The following DPYSL2 variants were observed in gnomAD, a reference collection of about 807,000 sequenced individuals.
The protein encoded by DPYSL2 is dihydropyrimidinase like 2.
In DPYSL2, 13 loss-of-function variants were observed where a neutral mutation model predicts 69.9. That is an observed-to-expected ratio of 0.19 (90% confidence interval 0.12 to 0.30). DPYSL2 has a LOEUF of 0.30. Ranked by LOEUF, DPYSL2 falls within the 10% of genes least tolerant of loss-of-function variation. The probability of loss-of-function intolerance (pLI) is 1.00; values close to 1 mark genes in which losing one functional copy is unlikely to be tolerated. For missense variants in DPYSL2, 587 were observed against 918.9 expected (o/e 0.64, Z 4.67); for synonymous variants, 326 against 359.1 (o/e 0.91, Z 1.04).
intron 3 of DPYSL2, among the ~76,000 whole-genome samples, chr8:26,606,931 G>A (rs900093276): frequency 2.6e-5 from 4 of 152,160 alleles, no homozygotes; most frequent in South Asian, 2.1e-4. Flanking sequence ...CTCAAACTGC[G>A]GATAGGTATT....
At chr8:26,649,789 T>C (rs909054901) in intron 11 of DPYSL2, among the ~76,000 whole-genome samples, 2 of 152,178 alleles carry the variant, frequency 1.3e-5, no homozygotes, top group Admixed American at 6.5e-5. Flanking sequence ...TGTGTGGATG[T>C]AGGTTAAAAA....
intron 1 of DPYSL2, among the ~76,000 whole-genome samples, chr8:26,547,479 A>T (rs1800791158): frequency 6.6e-6 from 1 of 152,220 alleles, no homozygotes; most frequent in South Asian, 2.1e-4. Context: ...AAATTGAAAG[A>T]CAAAAAACAA....
rs1312862021 is a variant in DPYSL2, at chr8:26,648,933, C to T, written c.1596+1133C>T. On this transcript the variant is annotated intron_variant, in intron 11 of 13. Coordinates refer to ENST00000521913, the MANE Select transcript of DPYSL2 (RefSeq NM_001197293.3). The surrounding 1 kb of genome is among the most constrained non-coding windows in gnomAD (Gnocchi z 4.3). Reference sequence around the variant, plus strand: ...TCTTTCTCCCTCTCCCACCACCACTCACTGGCTCAGCCTGGCAGCGCAGCC... The same window carrying T: ...TCTTTCTCCCTCTCCCACCACCACTTACTGGCTCAGCCTGGCAGCGCAGCC... Among the ~76,000 whole-genome samples the T allele has an allele frequency of 1.3e-5, 2 of 152,232 alleles. No individual in the cohort carries two copies. The highest frequency in any genetic ancestry group is 2.9e-5 in the Non-Finnish European group (2 of 68,042).
intron 1 of DPYSL2, among the ~76,000 whole-genome samples, chr8:26,563,375 TTTAA>T (rs1327492831): frequency 6.6e-6 from 1 of 152,206 alleles, no homozygotes; most frequent in Admixed American, 6.5e-5. Context: ...AGTCTTCCCT[TTTAA>T]TTAACACATT....
intron 1 of DPYSL2, among the ~76,000 whole-genome samples, chr8:26,576,378 C>T (rs1209044510): frequency 1.3e-5 from 2 of 152,024 alleles, no homozygotes; most frequent in African/African-American, 4.8e-5. Flanking sequence ...CCCCCACCCC[C>T]CAGCCCATGA....
intron 3 of DPYSL2, among the ~76,000 whole-genome samples, chr8:26,584,870 C>T (rs930237447): frequency 5.9e-5 from 9 of 152,080 alleles, no homozygotes; most frequent in Admixed American, 3.9e-4. Context: ...CTGCCTGCCT[C>T]GGCCTCCCAA....
chr8:26,581,971 C>T lies in DPYSL2; in HGVS notation c.357C>T (p.Ser119=), dbSNP rs138340807. The T allele has an allele frequency of 1.6e-3, 2,656 of 1,613,358 alleles. 2 individuals carry two copies. Among genetic ancestry groups the T allele is most frequent in the Non-Finnish European group, 2.1e-3 (2,528 of 1,179,496 alleles). Residue 119 remains serine, a splice_region_variant and synonymous_variant, in exon 2 of 14, where the codon AGC becomes AGT. Transcript: ENST00000521913. ...KEALQNINDQ[S]DRLLIKGGKI... ...ACCTTACTGCCTCTTTGTTTCAGAGCGATCGTCTTCTGATCAAAGGAGGTA... is the reference window on the plus strand; with the variant it reads ...ACCTTACTGCCTCTTTGTTTCAGAGTGATCGTCTTCTGATCAAAGGAGGTA...
rs374362384 is a variant in DPYSL2 at position 26,586,177 on chromosome 8, C to T, written c.628+2194C>T. On this transcript the variant is annotated intron_variant, in intron 3 of 13. Coordinates refer to ENST00000521913, the MANE Select transcript of DPYSL2 (RefSeq NM_001197293.3). This position sits in a 1 kb window ranked among gnomAD's most constrained non-coding sequence, Gnocchi z 4.7. ...TCATTGGAGAGGGAAATGCCCCCAG[C>T]CAGGAGTTAGGAGTCTGGAGTGCTG... Among the ~76,000 whole-genome samples, 1 of 152,172 alleles carries T rather than the reference C, an allele frequency of 6.6e-6. No individual in the cohort carries two copies. The highest frequency in any genetic ancestry group is 2.4e-5 in the African/African-American group (1 of 41,432).
intron 1 of DPYSL2, among the ~76,000 whole-genome samples, chr8:26,529,514 A>C (rs919644028): frequency 2.6e-5 from 4 of 151,724 alleles, no homozygotes; most frequent in South Asian, 2.1e-4. Flanking sequence ...ACATGGCCTC[A>C]TTTTGTTCTC....
At chr8:26,618,778 C>CAAAAAAAAAA (rs71216765) in intron 3 of DPYSL2, among the ~76,000 whole-genome samples, 4 of 85,180 alleles carry the variant, frequency 4.7e-5, no homozygotes, top group African/African-American at 9.5e-5. Flanking sequence ...CCATCTCTAC[C>CAAAAAAAAAA]AAAAAAAAAA....
chr8:26,610,846 G>A lies in DPYSL2; in HGVS notation c.629-13297G>A, dbSNP rs963465004. On this transcript the variant is annotated intron_variant, in intron 3 of 13. Coordinates refer to ENST00000521913, the MANE Select transcript of DPYSL2 (RefSeq NM_001197293.3). This position sits in a 1 kb window ranked among gnomAD's most constrained non-coding sequence, Gnocchi z 4.5. ...TTTGTAGGCCCTACTGTTGTTAGCT[G>A]TTCGTAGATACTATTTCAGAACAAT... Among the ~76,000 whole-genome samples, 3 of 152,108 alleles carry A rather than the reference G, an allele frequency of 2.0e-5. No individual in the cohort carries two copies. Among genetic ancestry groups the A allele is most frequent in the Non-Finnish European group, 4.4e-5 (3 of 68,016 alleles).
chr8:26,576,663 G>T (rs1158508945), intron 1 of DPYSL2, among the ~76,000 whole-genome samples: 1 of 152,234 alleles, frequency 6.6e-6, no homozygotes, highest in Non-Finnish European at 1.5e-5. Context: ...CGTTTGAAGT[G>T]ACAAGGCTCT....
rs1320477544 is a variant in DPYSL2 at position 26,617,018 on chromosome 8, A to C, written c.629-7125A>C. ...GTACCTGCTCAACTGCTTCAATTCC[A>C]GAACTGGAACTGCAGGGAAGCTGTT... On this transcript the variant is annotated intron_variant, in intron 3 of 13. Coordinates refer to ENST00000521913, the MANE Select transcript of DPYSL2 (RefSeq NM_001197293.3). The surrounding 1 kb of genome is among the most constrained non-coding windows in gnomAD (Gnocchi z 4.7). Among the ~76,000 whole-genome samples the C allele has an allele frequency of 1.3e-5, 2 of 152,196 alleles. No homozygotes were observed. Among genetic ancestry groups the C allele is most frequent in the African/African-American group, 4.8e-5 (2 of 41,448 alleles).
chr8:26,594,224 T>G (rs79274455), intron 3 of DPYSL2, among the ~76,000 whole-genome samples: 4 of 152,198 alleles, frequency 2.6e-5, no homozygotes, highest in Non-Finnish European at 4.4e-5. Context: ...AAAGTGAGTT[T>G]TTTTGTGCCA....
At chr8:26,540,694 T>C (rs894176754) in intron 1 of DPYSL2, among the ~76,000 whole-genome samples, 5 of 152,096 alleles carry the variant, frequency 3.3e-5, no homozygotes, top group Admixed American at 1.3e-4. Context: ...TCACCTGAAG[T>C]TGGGAGTTCG....
Position 26,653,194 on chromosome 8 carries a change from G to A in DPYSL2, c.1777-38G>A. ...GGTTTCTAGAGAGGTATCCTCTGTG[G>A]CTGTGGCCTGAGCTGGGGGGACTCT... is the stretch of plus-strand genomic sequence containing the variant. On this transcript the variant is annotated intron_variant, in intron 12 of 13. Transcript: ENST00000521913. This position sits in a 1 kb window ranked among gnomAD's most constrained non-coding sequence, Gnocchi z 5.7. The A allele has an allele frequency of 1.9e-6, 3 of 1,603,864 alleles. No homozygotes were observed. The highest frequency in any genetic ancestry group is 2.6e-6 in the Non-Finnish European group (3 of 1,174,144).
intron 1 of DPYSL2, chr8:26,577,732 GC>G (rs1176501154): frequency 1.3e-4 from 112 of 889,848 alleles, no homozygotes; most frequent in Non-Finnish European, 1.5e-4. Context: ...CGCGCTCCCA[GC>G]GCGGGCGCTC....
At chr8:26,561,659 C>T (rs1667247248) in intron 1 of DPYSL2, among the ~76,000 whole-genome samples, 1 of 152,164 alleles carries the variant, frequency 6.6e-6, no homozygotes, top group East Asian at 1.9e-4. Context: ...GAAGACCATT[C>T]TTCCATGGAA....
At chr8:26,532,281 G>A (rs1347334430) in intron 1 of DPYSL2, among the ~76,000 whole-genome samples, 1 of 152,088 alleles carries the variant, frequency 6.6e-6, no homozygotes, top group Non-Finnish European at 1.5e-5. Flanking sequence ...TTAATTTTTA[G>A]GTAAAAGAAG....
Sources: allele counts gnomAD v4.1 joint callset (sites outside exome capture counted in the v4.1 genomes callset), GRCh38; gene constraint gnomAD v4.1.1; non-coding constraint Gnocchi (gnomAD v3.1); transcripts MANE v1.5; gene names NCBI Gene and HGNC (gene_info 2026-07-23, HGNC 2026-07-21).